PGBD5: variants seen among roughly 807,000 people sequenced by gnomAD.
The protein encoded by PGBD5 is piggyBac transposable element derived 5.
In PGBD5, 14 loss-of-function variants were observed where a neutral mutation model predicts 47.9. The ratio of observed to expected loss-of-function variants is 0.29; its 90% CI spans 0.19 to 0.46. The LOEUF (loss-of-function observed/expected upper bound fraction) is 0.46. Among genes scored for constraint, PGBD5 ranks in the 20% least tolerant of loss-of-function variants. The pLI is 1.00. For missense variants in PGBD5, 635 were observed against 716.0 expected, an observed-to-expected ratio of 0.89 and a Z score of 1.29; for synonymous variants, 316 against 306.3, an observed-to-expected ratio of 1.03 and a Z score of -0.33.
chr1:230,390,613 C>G (rs565753740), intron 1 of PGBD5, among the ~76,000 whole-genome samples: 12 of 152,304 alleles, frequency 7.9e-5, no homozygotes, highest in African/African-American at 2.6e-4. Flanking sequence ...GCCGCCCATC[C>G]CTACCTGCCC....
intron 1 of PGBD5, among the ~76,000 whole-genome samples, chr1:230,403,787 A>C (rs543803850): frequency 5.2e-4 from 79 of 152,346 alleles, no homozygotes; most frequent in African/African-American, 1.8e-3. Flanking sequence ...AGGCCCCCTG[A>C]GCCAACGAAG....
At chr1:230,337,389 T>C (rs1667343673) in intron 3 of PGBD5, 101 bp from the exon 4 acceptor site, 22 of 1,182,568 alleles carry the variant, frequency 1.9e-5, no homozygotes, top group East Asian at 2.7e-5. Context: ...AGTCATCCAG[T>C]TGGGAGCCCA....
At chr1:230,369,195 T>C (rs145773910) in intron 1 of PGBD5, among the ~76,000 whole-genome samples, 2 of 152,320 alleles carry the variant, frequency 1.3e-5, no homozygotes, top group East Asian at 1.9e-4. Context: ...AGAACGTGGA[T>C]GTGGAGGAGA....
intron 3 of PGBD5, among the ~76,000 whole-genome samples, chr1:230,342,897 C>T (rs925392188): frequency 6.6e-5 from 10 of 152,142 alleles, no homozygotes; most frequent in African/African-American, 2.2e-4. Context: ...AATTCAGGCC[C>T]GCAGCCACAC....
intron 3 of PGBD5, among the ~76,000 whole-genome samples, chr1:230,340,956 G>C (rs1667399421): frequency 6.6e-6 from 1 of 152,114 alleles, no homozygotes; most frequent in South Asian, 2.1e-4. Flanking sequence ...GCTCAACTGG[G>C]ATGTCACAGG....
intron 1 of PGBD5, among the ~76,000 whole-genome samples, chr1:230,362,070 G>C (rs562786148): frequency 1.3e-5 from 2 of 152,370 alleles, no homozygotes; most frequent in South Asian, 4.1e-4. Flanking sequence ...AGTGGGGCAT[G>C]AGGGTCTGGT....
intron 1 of PGBD5, among the ~76,000 whole-genome samples, chr1:230,397,462 C>T (rs1657014676): frequency 6.6e-6 from 1 of 152,178 alleles, no homozygotes; most frequent in Admixed American, 6.5e-5. Flanking sequence ...TCTTCTAATT[C>T]CTAGTTTTTG....
At chr1:230,356,857 C>G (rs776094549) in intron 2 of PGBD5, 37 bp downstream of exon 2, 2 of 1,590,826 alleles carry the variant, frequency 1.3e-6, no homozygotes, top group Non-Finnish European at 1.7e-6. Context: ...AGAGCGAGGA[C>G]ACCTGGACAA....
At chr1:230,385,075 G>A (rs56320436) in intron 1 of PGBD5, among the ~76,000 whole-genome samples, 27,293 of 152,154 alleles carry the variant, frequency 0.18, 3,004 homozygotes, top group Non-Finnish European at 0.24. Context: ...ATGAAGAGGC[G>A]TGTATTTTTT....
intron 2 of PGBD5, among the ~76,000 whole-genome samples, chr1:230,353,827 C>T (rs6689340): frequency 0.1 from 15,441 of 152,252 alleles, 2,484 homozygotes; most frequent in African/African-American, 0.34. Context: ...GGGATTTTCA[C>T]AGAGCCGGAA....
chr1:230,371,636 T>C (rs923079067), intron 1 of PGBD5, among the ~76,000 whole-genome samples: 1 of 152,204 alleles, frequency 6.6e-6, no homozygotes, highest in African/African-American at 2.4e-5. Context: ...CCAAGGTGGA[T>C]TCTTTAATTC....
chr1:230,363,198 G>A (rs995922090), intron 1 of PGBD5, among the ~76,000 whole-genome samples: 9 of 152,174 alleles, frequency 5.9e-5, no homozygotes, highest in Non-Finnish European at 8.8e-5. Flanking sequence ...CCTGGGGGCC[G>A]CTCCTGCTCT....
intron 1 of PGBD5, among the ~76,000 whole-genome samples, chr1:230,366,867 C>G (rs1667842919): frequency 6.6e-6 from 1 of 152,168 alleles, no homozygotes; most frequent in Non-Finnish European, 1.5e-5. Flanking sequence ...TGTTACGAAA[C>G]AGCCGCCGTA....
intron 1 of PGBD5, among the ~76,000 whole-genome samples, chr1:230,380,148 G>A (rs114690849): frequency 1.3e-5 from 2 of 152,230 alleles, no homozygotes; most frequent in Non-Finnish European, 2.9e-5. Flanking sequence ...TCCAAAGGCA[G>A]ATAGGAGGCC....
intron 1 of PGBD5, among the ~76,000 whole-genome samples, chr1:230,366,635 G>C (rs6657329): frequency 0.073 from 11,179 of 152,230 alleles, 1,367 homozygotes; most frequent in African/African-American, 0.25. Flanking sequence ...CCAAGTTACT[G>C]TGTACCTCTT....
chr1:230,374,275 G>C (rs1014656633), intron 1 of PGBD5, among the ~76,000 whole-genome samples: 7 of 152,074 alleles, frequency 4.6e-5, no homozygotes, highest in Non-Finnish European at 8.8e-5. Flanking sequence ...AAATCAGCTG[G>C]GCATGGTGGC....
intron 3 of PGBD5, among the ~76,000 whole-genome samples, chr1:230,338,075 G>T (rs1452427384): frequency 6.6e-6 from 1 of 152,244 alleles, no homozygotes. Flanking sequence ...AACTGCTAGA[G>T]AAGTTCATAG....
chr1:230,393,862 G>A (rs1038706813), intron 1 of PGBD5, among the ~76,000 whole-genome samples: 2 of 145,394 alleles, frequency 1.4e-5, no homozygotes, highest in African/African-American at 5.0e-5. Context: ...CCCGGGGCCC[G>A]CCAGTCCACA....
chr1:230,368,149 G>A lies in PGBD5; in HGVS notation c.332-10828C>T, dbSNP rs112307549. On this transcript the variant is annotated intron_variant, in intron 1 of 6. Coordinates refer to ENST00000391860, the MANE Select transcript of PGBD5 (RefSeq NM_001258311.2). ...ATGGTGGTGGTGAGGAGGAGGCTGC[G>A]GAGGAGGAATAAGGTGGAGGAGAGA... The A allele has an allele frequency of 1.0e-3, 1,384 of 1,367,618 alleles. 10 individuals carry two copies. In the African/African-American group the frequency reaches 0.015, roughly 15 times the overall value. The allele number at this position is 1,367,618 out of a possible 1,614,324, so 84.7% of individuals were successfully genotyped here.
Sources: gnomAD v4.1 joint callset for allele counts (sites outside exome capture counted in the v4.1 genomes callset) on GRCh38, gnomAD v4.1.1 for gene constraint, MANE v1.5 for transcripts, NCBI Gene and HGNC (gene_info 2026-07-23, HGNC 2026-07-21) for gene names.